Variants in ECPAS observed in about 807,000 individuals in gnomAD.
ECPAS encodes proteasome adapter and scaffold protein ECM29.
In ECPAS, 70 loss-of-function variants were observed where a neutral mutation model predicts 255.1. That is an observed-to-expected ratio of 0.27 (90% CI 0.23 to 0.33). ECPAS has a LOEUF of 0.33. Ranked by LOEUF, ECPAS falls within the 10% of genes least tolerant of loss-of-function variation. The probability of loss-of-function intolerance (pLI) is 1.00; values close to 1 mark genes in which losing one functional copy is unlikely to be tolerated. For missense variants in ECPAS, 1,817 were observed against 2,206.4 expected (o/e 0.82, Z 3.54); for synonymous variants, 784 against 775.0 (o/e 1.01, Z -0.19).
At chr9:111,419,943 C>G in intron 16 of ECPAS, 74 bp downstream of exon 16, 1 of 1,113,648 alleles carries the variant, frequency 9.0e-7, no homozygotes, top group Non-Finnish European at 1.4e-6. Context: ...ACATTGTAAA[C>G]AATACAACTT....
intron 35 of ECPAS, among the ~76,000 whole-genome samples, chr9:111,382,452 G>C (rs55831833): frequency 5.3e-5 from 8 of 151,680 alleles, no homozygotes; most frequent in Non-Finnish European, 1.0e-4. Context: ...ATTTTTAGTA[G>C]AGATGGGGTT....
intron 36 of ECPAS, among the ~76,000 whole-genome samples, chr9:111,377,482 GA>G (rs1028665047): frequency 2.6e-4 from 39 of 151,988 alleles, no homozygotes; most frequent in Non-Finnish European, 4.0e-4. Flanking sequence ...AAGGTACGGA[GA>G]AAAAAAGAAC....
chr9:111,458,825 A>G (rs1027073243), intron 2 of ECPAS, among the ~76,000 whole-genome samples: 1 of 152,172 alleles, frequency 6.6e-6, no homozygotes, highest in African/African-American at 2.4e-5. Context: ...ACACAACACA[A>G]GCTTTGCATC....
chr9:111,426,245 C>G (rs1033260309), intron 10 of ECPAS, among the ~76,000 whole-genome samples: 4 of 152,024 alleles, frequency 2.6e-5, no homozygotes, highest in Admixed American at 1.3e-4. Context: ...GGAACCACAT[C>G]TAGAAGGCAA....
At chr9:111,464,922 G>A (rs940569083) in intron 2 of ECPAS, among the ~76,000 whole-genome samples, 6 of 152,114 alleles carry the variant, frequency 3.9e-5, no homozygotes, top group African/African-American at 1.4e-4. Flanking sequence ...GGTGGCTCAC[G>A]CTTGTAATCC....
At chr9:111,427,184 A>C (rs1048352589) in intron 10 of ECPAS, among the ~76,000 whole-genome samples, 1 of 152,112 alleles carries the variant, frequency 6.6e-6, no homozygotes, top group African/African-American at 2.4e-5. Context: ...GCAATGAAAA[A>C]GAAAACAGAC....
At chr9:111,410,461 AG>A (rs1165905566) in intron 22 of ECPAS, among the ~76,000 whole-genome samples, 1 of 150,418 alleles carries the variant, frequency 6.6e-6, no homozygotes, top group Non-Finnish European at 1.5e-5. Flanking sequence ...AAAAACATGT[AG>A]GAAAAAAATG....
At chr9:111,421,264 T>C (rs1458398897) in intron 15 of ECPAS, among the ~76,000 whole-genome samples, 1 of 152,224 alleles carries the variant, frequency 6.6e-6, no homozygotes, top group Admixed American at 6.5e-5. Context: ...TATTAAATCA[T>C]GTCAGTCTAA....
intron 20 of ECPAS, among the ~76,000 whole-genome samples, chr9:111,412,641 G>A (rs1359378478): frequency 6.6e-6 from 1 of 152,054 alleles, no homozygotes; most frequent in African/African-American, 2.4e-5. Context: ...AAAACAGGAG[G>A]CAGGCCCTAT....
At chr9:111,475,118 T>C (rs1035906652) in intron 1 of ECPAS, among the ~76,000 whole-genome samples, 7 of 152,248 alleles carry the variant, frequency 4.6e-5, no homozygotes, top group Admixed American at 2.0e-4. Flanking sequence ...TTGTGTATGT[T>C]ATTTACATTT....
chr9:111,384,734 C>A (rs1352400291), intron 33 of ECPAS, among the ~76,000 whole-genome samples, 165 bp from the exon 34 acceptor site: 1 of 152,208 alleles, frequency 6.6e-6, no homozygotes, highest in Non-Finnish European at 1.5e-5. Flanking sequence ...CTCTGCCCAT[C>A]AAGGAACACA....
chr9:111,419,171 G>T (rs1354017157), intron 16 of ECPAS, among the ~76,000 whole-genome samples: 1 of 152,064 alleles, frequency 6.6e-6, no homozygotes, highest in African/African-American at 2.4e-5. Flanking sequence ...TATGGGCAAG[G>T]GTGTTCAAAT....
intron 23 of ECPAS, 85 bp downstream of exon 23, chr9:111,409,956 T>C (rs771108832): frequency 2.8e-5 from 27 of 964,674 alleles, no homozygotes; most frequent in Non-Finnish European, 4.2e-5. Flanking sequence ...TGTAATGCCA[T>C]CTATTCTCAT....
Position 111,412,071 on chromosome 9 carries a change from C to T in ECPAS, c.2157G>A (p.Ser719=). The T allele has an allele frequency of 6.3e-7, 1 of 1,593,476 alleles. No homozygotes were observed. The highest frequency in any genetic ancestry group is 1.2e-5 in the South Asian group (1 of 86,160). The change falls in exon 21 of 50, where the codon TCG becomes TCA. Residue 719 remains serine, a synonymous_variant. Coordinates refer to ENST00000684092, the MANE Select transcript of ECPAS (RefSeq NM_001364929.1). The part of the protein sequence containing the change: ...LFYSVVVSTV[S]GNELKSMIEQ... ...CTATCATTGATTTCAACTCATTCCC[C>T]GACACTGTTGATACCACTACAGAAT...
intron 26 of ECPAS, 57 bp from the exon 27 acceptor site, chr9:111,393,791 G>T: frequency 8.4e-7 from 1 of 1,193,954 alleles, no homozygotes; most frequent in Non-Finnish European, 1.2e-6. Flanking sequence ...GAGAGAATAA[G>T]AGTCTTGCTC....
chr9:111,440,554 T>A, intron 5 of ECPAS, 33 bp from the exon 6 acceptor site: 2 of 1,494,860 alleles, frequency 1.3e-6, no homozygotes, highest in Non-Finnish European at 1.8e-6. Flanking sequence ...TGCAACTACT[T>A]AAAAAATGAG....
intron 35 of ECPAS, among the ~76,000 whole-genome samples, chr9:111,380,307 G>GT (rs369965141): frequency 5.3e-5 from 8 of 151,898 alleles, no homozygotes; most frequent in South Asian, 2.1e-4. Context: ...AATCTTTGGG[G>GT]TTTTTTTTGG....
Position 111,452,264 on chromosome 9 carries a change from G to GC in ECPAS, c.23-710_23-709insG, listed in dbSNP as rs201501399. Among the ~76,000 whole-genome samples the GC allele has an allele frequency of 4.6e-4, 70 of 152,220 alleles. No homozygotes were observed. The East Asian group carries it at 0.013, about 28-fold the overall frequency. On this transcript the variant is annotated intron_variant, in intron 2 of 49. Coordinates refer to ENST00000684092, the MANE Select transcript of ECPAS (RefSeq NM_001364929.1). ...CTATAATGGTATTGTGGTTAGGTTT[G>GC]TTTTTTAAAGGTCCCTACAAAAACT...
chr9:111,399,819 G>A (rs1589146478), intron 24 of ECPAS, among the ~76,000 whole-genome samples: 3 of 152,348 alleles, frequency 2.0e-5, no homozygotes, highest in Non-Finnish European at 4.4e-5. Context: ...TGCTCATGTG[G>A]CATGAACAAC....
Sources: gnomAD v4.1 joint callset for allele counts (sites outside exome capture counted in the v4.1 genomes callset) on GRCh38, gnomAD v4.1.1 for gene constraint, MANE v1.5 for transcripts, NCBI Gene and HGNC (gene_info 2026-07-23, HGNC 2026-07-21) for gene names.